Variants in GRIN1 observed in about 807,000 individuals in gnomAD.
GRIN1 encodes glutamate ionotropic receptor NMDA type subunit 1.
A neutral mutation model predicts 103.0 loss-of-function variants in GRIN1; 38 were observed. That is an observed-to-expected ratio of 0.37 (90% confidence interval 0.28 to 0.48). The LOEUF (loss-of-function observed/expected upper bound fraction) is 0.48. Among genes scored for constraint, GRIN1 ranks in the 20% least tolerant of loss-of-function variants. GRIN1 has a pLI of 0.98. For synonymous variants in GRIN1, 544 were observed against 532.7 expected, an observed-to-expected ratio of 1.02 and a Z score of -0.29; for missense variants, 577 against 1,288.9, an observed-to-expected ratio of 0.45 and a Z score of 8.46.
intron 18 of GRIN1, chr9:137,164,891 G>A (rs1259181502): frequency 1.6e-5 from 7 of 438,188 alleles, no homozygotes; most frequent in South Asian, 4.2e-5. Flanking sequence ...TCCTCGGGAC[G>A]CCTGTAAGCC....
chr9:137,145,877 C>T lies in GRIN1; in HGVS notation c.545C>T (p.Thr182Met), dbSNP rs1832500914. 4 of 1,607,376 alleles carry T rather than the reference C, an allele frequency of 2.5e-6. No homozygotes were observed. The highest frequency in any genetic ancestry group is 3.4e-6 in the Non-Finnish European group (4 of 1,177,144). ...CGGGCGGCTCAGAAACGCCTGGAGA[C>T]GCTGCTGGAGGAGCGTGAGTCCAAG... Reference protein sequence around the residue: ...EGRAAQKRLETLLEERESKAE... With the variant: ...EGRAAQKRLEMLLEERESKAE... The change falls in exon 3 of 20, where the codon ACG becomes ATG. Residue 182 changes from threonine (T) to methionine (M), a missense_variant. Thr to Met is a moderately conservative substitution (Grantham distance 81, BLOSUM62 -1). This residue lies in a region of GRIN1 where 308 missense variants were observed against 553.6 expected (regional missense o/e 0.56). Transcript: ENST00000371561.
chr9:137,145,958 G>A, intron 3 of GRIN1, 56 bp downstream of exon 3: 6 of 1,310,016 alleles, frequency 4.6e-6, no homozygotes, highest in East Asian at 2.5e-5. Flanking sequence ...AGGACGGGCC[G>A]CCTTGTGTCT....
chr9:137,156,605 G>T, intron 4 of GRIN1, 64 bp from the exon 5 acceptor site: 1 of 1,570,292 alleles, frequency 6.4e-7, no homozygotes. Context: ...GGAGGACCTG[G>T]GCCTGCGGAG....
At position 137,162,284 on chromosome 9, in the gene GRIN1, G is replaced by A. The variant is rs867684270; in HGVS notation, c.1745G>A (p.Arg582His). 1 of 1,547,648 alleles carries A rather than the reference G, an allele frequency of 6.5e-7. No homozygotes were observed. The highest frequency in any genetic ancestry group is 1.4e-5 in the African/African-American group (1 of 73,836). The change falls in exon 12 of 20, where the codon CGC (arginine) becomes CAC (histidine). Residue 582 changes from arginine to histidine, a missense_variant. By Grantham distance (29) the Arg-to-His change is conservative (BLOSUM62 0). Around this residue, in one of 9 missense-constraint regions of GRIN1, gnomAD observed 15 missense variants for 26.4 expected, o/e 0.57. Transcript: ENST00000371561. ...GCCGTGATGCTGTACCTGCTGGACC[G>A]CTTCAGGTGAGCGCGACCCGGGGCT... ...VVAVMLYLLD[R>H]FSPFGRFKVN...
At chr9:137,150,519 C>G (rs1206091484) in intron 4 of GRIN1, among the ~76,000 whole-genome samples, 1 of 148,518 alleles carries the variant, frequency 6.7e-6, no homozygotes, top group African/African-American at 2.5e-5. Flanking sequence ...ATAAAAGCCC[C>G]GCCCAGAAAA....
intron 3 of GRIN1, 91 bp from the exon 4 acceptor site, chr9:137,148,918 G>A (rs1012312471): frequency 3.7e-5 from 34 of 920,162 alleles, no homozygotes; most frequent in Non-Finnish European, 4.9e-5. Flanking sequence ...AAGCTGCCTC[G>A]GGGTTCCCAG....
Position 137,157,026 on chromosome 9 carries a change from G to A in GRIN1, c.957G>A (p.Pro319=), listed in dbSNP as rs766888803. 9.3e-6 allele frequency: 15 copies of A among 1,610,648 alleles called. No homozygotes were observed. In the East Asian group the frequency reaches 2.5e-4, roughly 26 times the overall value. ...VGNTNIWKTG[P]LFKRVLMSSK... is the part of the protein sequence containing the mutation. ...ACACCAACATCTGGAAGACCGGGCC[G>A]CTCTTCAAGAGGTGGGCGGGGCCTC... Residue 319 remains proline, a synonymous_variant, in exon 6 of 20, where the codon CCG becomes CCA. Transcript: ENST00000371561.
intron 19 of GRIN1, among the ~76,000 whole-genome samples, chr9:137,166,587 C>G (rs775962788): frequency 6.6e-6 from 1 of 152,244 alleles, no homozygotes; most frequent in African/African-American, 2.4e-5. Flanking sequence ...AGCCAAATCC[C>G]GAGATGAAGC....
chr9:137,161,349 C>T lies in GRIN1; in HGVS notation c.1400C>T (p.Ala467Val). The T allele has an allele frequency of 6.2e-7, 1 of 1,612,690 alleles. No homozygotes were observed. Among genetic ancestry groups the T allele is most frequent in the Non-Finnish European group, 8.5e-7 (1 of 1,179,810 alleles). Reference sequence around the variant, plus strand: ...TGCATCGACCTGCTCATCAAGCTGGCACGGACCATGAACTTCACCTACGAG... The same window carrying T: ...TGCATCGACCTGCTCATCAAGCTGGTACGGACCATGAACTTCACCTACGAG... ...GFCIDLLIKL[A>V]RTMNFTYEVH... is the part of the protein sequence containing the mutation. Residue 467 changes from alanine to valine, a missense_variant, in exon 10 of 20, where the codon GCA (alanine) becomes GTA (valine). Transcript: ENST00000371561.
intron 11 of GRIN1, 28 bp downstream of exon 11, chr9:137,162,116 C>CGGGGGGGGGGGGGGGGGGGGGG: frequency 1.7e-5 from 7 of 419,590 alleles, no homozygotes; most frequent in African/African-American, 2.5e-5. Flanking sequence ...GGCGGGGTGG[C>CGGGGGGGGGGGGGGGGGGGGGG]GGCGGGGGGA....
chr9:137,150,655 AGGAAAGCTCCGCCCAG>A (rs2131240970), intron 4 of GRIN1, among the ~76,000 whole-genome samples: 1 of 131,198 alleles, frequency 7.6e-6, no homozygotes, highest in Admixed American at 7.5e-5. Flanking sequence ...GACCAGCCCA[AGGAAAGCTCCGCCCAG>A]GGAAAGCCCC....
chr9:137,167,344 G>A (rs1022691552), intron 19 of GRIN1, 67 bp from the exon 20 acceptor site: 6 of 1,251,944 alleles, frequency 4.8e-6, no homozygotes, highest in Admixed American at 2.0e-5. Flanking sequence ...GGCACTGGGC[G>A]CTGAGGGCTG....
In GRIN1 at chr9:137,162,270, G is replaced by GT; in HGVS notation, c.1732dup (p.Tyr578LeufsTer222). The GT allele has an allele frequency of 6.5e-7, 1 of 1,547,252 alleles. No homozygotes were observed. The highest frequency in any genetic ancestry group is 8.7e-7 in the Non-Finnish European group (1 of 1,151,240). ...CGGTGCACGTGGTGGCCGTGATGCT[G>GT]TACCTGCTGGACCGCTTCAGGTGAG... On this transcript the variant is annotated frameshift_variant, in exon 12 of 20. Transcript: ENST00000371561. LOFTEE classifies it high-confidence loss of function.
chr9:137,147,342 C>A (rs909596593), intron 3 of GRIN1, among the ~76,000 whole-genome samples: 4 of 151,992 alleles, frequency 2.6e-5, no homozygotes, highest in Admixed American at 2.0e-4. Flanking sequence ...CCTGGACACA[C>A]GCTCAGGTGC....
intron 2 of GRIN1, among the ~76,000 whole-genome samples, chr9:137,144,750 G>GACA (rs1426370039): frequency 1.2e-4 from 14 of 115,434 alleles, no homozygotes; most frequent in Middle Eastern, 4.2e-3. Context: ...AGGAGTGAGA[G>GACA]GAAGGGGGTC....
chr9:137,160,122 G>A (rs1458105200), intron 8 of GRIN1, among the ~76,000 whole-genome samples: 2 of 152,246 alleles, frequency 1.3e-5, no homozygotes, highest in African/African-American at 4.8e-5. Flanking sequence ...CAGGAGTGTG[G>A]GTCGAAGAGG....
rs778957098 is a variant in GRIN1 at position 137,161,398 on chromosome 9, G to A, written c.1449G>A (p.Lys483=). Residue 483 remains lysine (K), a synonymous_variant, in exon 10 of 20, where the codon AAG becomes AAA. Transcript: ENST00000371561. ...AGGTGCACCTGGTGGCAGATGGCAA[G>A]TTCGGCACACAGGAGCGGGTAGGCT... ...TYEVHLVADG[K]FGTQERVNNS... The A allele has an allele frequency of 2.9e-5, 46 of 1,612,162 alleles. No individual in the cohort carries two copies. The East Asian group carries it at 8.5e-4, about 30-fold the overall frequency.
intron 19 of GRIN1, 104 bp from the exon 20 acceptor site, chr9:137,167,306 CT>C: frequency 2.3e-6 from 2 of 879,596 alleles, no homozygotes; most frequent in East Asian, 5.3e-5. Context: ...TCCCCTGCCC[CT>C]GTCCTGTGGC....
chr9:137,143,810 G>A (rs1172199671), intron 2 of GRIN1, among the ~76,000 whole-genome samples: 1 of 152,202 alleles, frequency 6.6e-6, no homozygotes. Context: ...AAGCCTCAGA[G>A]GACCACAAGA....
Sources: gnomAD v4.1 joint callset for allele counts (sites outside exome capture counted in the v4.1 genomes callset) on GRCh38, gnomAD v4.1.1 for gene constraint, gnomAD v4.1.1 regional missense constraint, MANE v1.5 for transcripts, NCBI Gene and HGNC (gene_info 2026-07-23, HGNC 2026-07-21) for gene names.